Variants in IMMP2L observed in about 807,000 individuals in gnomAD.
IMMP2L encodes the protein mitochondrial inner membrane protease subunit 2.
In IMMP2L, 18 loss-of-function variants were observed where a neutral mutation model predicts 19.3. The ratio of observed to expected loss-of-function variants is 0.93; its 90% CI spans 0.64 to 1.38. The LOEUF (loss-of-function observed/expected upper bound fraction) is 1.38. IMMP2L is among the 40% of genes most tolerant of loss of function. IMMP2L has a pLI of 0.00. For missense variants in IMMP2L, 233 were observed against 218.2 expected (o/e 1.07, Z -0.43); for synonymous variants, 76 against 73.0 (o/e 1.04, Z -0.21).
At chr7:110,843,050 T>C (rs1805259809) in intron 5 of IMMP2L, among the ~76,000 whole-genome samples, 3 of 152,164 alleles carry the variant, frequency 2.0e-5, no homozygotes, top group Admixed American at 2.0e-4. Context: ...ATTATTGGAT[T>C]ACTCAAGATA....
At chr7:111,276,871 G>A (rs1032062424) in intron 3 of IMMP2L, among the ~76,000 whole-genome samples, 1 of 152,026 alleles carries the variant, frequency 6.6e-6, no homozygotes, top group Admixed American at 6.6e-5. Context: ...TGGGGAAAAT[G>A]CCACCTTATT....
chr7:111,477,915 T>C (rs1841853538), intron 3 of IMMP2L, among the ~76,000 whole-genome samples: 1 of 151,984 alleles, frequency 6.6e-6, no homozygotes, highest in Admixed American at 6.6e-5. Flanking sequence ...AAAAATAGAC[T>C]TTTATCTTCT....
intron 2 of IMMP2L, among the ~76,000 whole-genome samples, chr7:111,514,028 GAGA>G (rs1750441199): frequency 6.6e-6 from 1 of 152,040 alleles, no homozygotes; most frequent in Non-Finnish European, 1.5e-5. Context: ...GCAAAGAGCT[GAGA>G]AGTAGGGAAA....
chr7:111,346,261 T>A (rs1189677668), intron 3 of IMMP2L, among the ~76,000 whole-genome samples: 1 of 152,102 alleles, frequency 6.6e-6, no homozygotes, highest in African/African-American at 2.4e-5. Flanking sequence ...CTAGAGGCTA[T>A]ATTGGGAGTA....
intron 3 of IMMP2L, among the ~76,000 whole-genome samples, chr7:111,335,985 A>T (rs1826360217): frequency 6.6e-6 from 1 of 152,070 alleles, no homozygotes; most frequent in African/African-American, 2.4e-5. Context: ...ACATCAATAG[A>T]TACTTACTTG....
intron 3 of IMMP2L, among the ~76,000 whole-genome samples, chr7:111,238,232 C>T (rs571547197): frequency 2.6e-5 from 4 of 151,996 alleles, no homozygotes; most frequent in African/African-American, 9.6e-5. Flanking sequence ...AGAAGACAGG[C>T]TGGAAGTCTG....
At chr7:111,053,665 T>C (rs1055465288) in intron 3 of IMMP2L, among the ~76,000 whole-genome samples, 8 of 152,214 alleles carry the variant, frequency 5.3e-5, no homozygotes, top group Non-Finnish European at 8.8e-5. Context: ...TCCTGCTTTG[T>C]TCATGCCTGA....
chr7:111,470,362 A>T (rs1394302576), intron 3 of IMMP2L, among the ~76,000 whole-genome samples: 2 of 151,990 alleles, frequency 1.3e-5, no homozygotes, highest in Non-Finnish European at 2.9e-5. Context: ...TGACCCAGCA[A>T]TCCCATTACT....
At chr7:111,205,654 TAAC>T (rs1046073890) in intron 3 of IMMP2L, among the ~76,000 whole-genome samples, 2 of 151,918 alleles carry the variant, frequency 1.3e-5, no homozygotes, top group Non-Finnish European at 2.9e-5. Context: ...AAATTAATAA[TAAC>T]AAAAAATATA....
At chr7:111,481,850 A>C (rs1842220028) in intron 3 of IMMP2L, among the ~76,000 whole-genome samples, 1 of 152,078 alleles carries the variant, frequency 6.6e-6, no homozygotes, top group South Asian at 2.1e-4. Context: ...AATAGAAATA[A>C]AATGTATGTC....
intron 4 of IMMP2L, among the ~76,000 whole-genome samples, chr7:110,931,131 T>C (rs1039656458): frequency 2.0e-5 from 3 of 152,182 alleles, no homozygotes; most frequent in South Asian, 2.1e-4. Context: ...AAGGAGAACA[T>C]ATGAGGGATT....
At chr7:110,677,933 C>T (rs1161541769) in intron 5 of IMMP2L, among the ~76,000 whole-genome samples, 1 of 152,074 alleles carries the variant, frequency 6.6e-6, no homozygotes, top group Non-Finnish European at 1.5e-5. Context: ...GTATCACCAT[C>T]CTGTGAGACC....
At chr7:111,069,711 T>C (rs2129575223) in intron 3 of IMMP2L, among the ~76,000 whole-genome samples, 1 of 152,174 alleles carries the variant, frequency 6.6e-6, no homozygotes, top group South Asian at 2.1e-4. Context: ...AGGGCTCACA[T>C]GAGGAGGCGA....
intron 4 of IMMP2L, among the ~76,000 whole-genome samples, chr7:110,893,613 G>A (rs1811041033): frequency 6.6e-6 from 1 of 152,106 alleles, no homozygotes; most frequent in Non-Finnish European, 1.5e-5. Context: ...GGGTACATGT[G>A]CAGGTTTTTT....
chr7:110,776,701 A>G (rs968818369), intron 5 of IMMP2L, among the ~76,000 whole-genome samples: 2 of 152,022 alleles, frequency 1.3e-5, no homozygotes, highest in South Asian at 2.1e-4. Flanking sequence ...GAAGAGATCT[A>G]TATCTTCCAC....
intron 3 of IMMP2L, among the ~76,000 whole-genome samples, chr7:111,251,801 C>T (rs1228928087): frequency 6.6e-6 from 1 of 151,858 alleles, no homozygotes; most frequent in Non-Finnish European, 1.5e-5. Context: ...GGCCTAATAC[C>T]TGGGTGATGG....
chr7:110,830,953 A>G (rs1480711833), intron 5 of IMMP2L, among the ~76,000 whole-genome samples: 1 of 152,210 alleles, frequency 6.6e-6, no homozygotes, highest in Non-Finnish European at 1.5e-5. Flanking sequence ...CTCACAGTTC[A>G]GTAGGTCAGA....
intron 3 of IMMP2L, among the ~76,000 whole-genome samples, chr7:111,211,196 T>G (rs1811272760): frequency 6.6e-6 from 1 of 152,152 alleles, no homozygotes. Context: ...ATGATTAGCC[T>G]GCATAGATGT....
intron 1 of IMMP2L, among the ~76,000 whole-genome samples, chr7:111,559,335 C>T (rs1791748046): frequency 6.6e-6 from 1 of 152,184 alleles, no homozygotes; most frequent in Admixed American, 6.5e-5. Flanking sequence ...GAAGCATCAG[C>T]ATTTTTATTG....
Sources: gnomAD v4.1 joint callset for allele counts (sites outside exome capture counted in the v4.1 genomes callset) on GRCh38, gnomAD v4.1.1 for gene constraint, MANE v1.5 for transcripts, NCBI Gene and HGNC (gene_info 2026-07-23, HGNC 2026-07-21) for gene names.